Variants in ACSM5 observed in about 807,000 individuals in gnomAD.
ACSM5 encodes the protein acyl-coenzyme A synthetase ACSM5, mitochondrial.
A neutral mutation model predicts 71.6 loss-of-function variants in ACSM5; 56 were observed. The ratio of observed to expected loss-of-function variants is 0.78; its 90% confidence interval spans 0.63 to 0.98. ACSM5 has a LOEUF of 0.98. ACSM5 is among the 50% of genes least tolerant of loss of function. The pLI, the probability that ACSM5 is intolerant of heterozygous loss-of-function variation, is 0.00. For missense variants in ACSM5, 723 were observed against 726.0 expected (o/e 1.00, Z 0.05); for synonymous variants, 285 against 281.5 (o/e 1.01, Z -0.12).
At chr16:20,414,925 T>C (rs1966853775) in intron 2 of ACSM5, among the ~76,000 whole-genome samples, 1 of 152,148 alleles carries the variant, frequency 6.6e-6, no homozygotes, top group African/African-American at 2.4e-5. Flanking sequence ...GCACAGATGA[T>C]AAAAACTCAG....
intron 10 of ACSM5, among the ~76,000 whole-genome samples, chr16:20,433,373 C>T (rs34927101): frequency 0.011 from 1,736 of 152,198 alleles, 21 homozygotes; most frequent in Non-Finnish European, 0.018. Flanking sequence ...ATGAATATGC[C>T]CGTGTCAACT....
intron 6 of ACSM5, among the ~76,000 whole-genome samples, chr16:20,426,239 C>T (rs1011873232): frequency 4.6e-5 from 7 of 152,224 alleles, no homozygotes; most frequent in Admixed American, 3.9e-4. Flanking sequence ...AGTGCTTGAT[C>T]AGCCAATGTA....
chr16:20,409,634 G>C lies in ACSM5; in HGVS notation c.-47G>C, dbSNP rs998728953. The C allele has an allele frequency of 6.6e-6, 1 of 152,152 alleles. No individual in the cohort carries two copies. The highest frequency in any genetic ancestry group is 1.5e-5 in the Non-Finnish European group (1 of 68,044). The allele number at this position is 152,152 out of a possible 1,614,324, so 9.4% of individuals were successfully genotyped here. ...CTGCTCAGCTGAAGCAGAAAACAGA[G>C]ACCTTTTGCATTACTTTGGTTCAAG... is the stretch of plus-strand genomic sequence containing the variant. On this transcript the variant is annotated 5_prime_UTR_variant, in exon 1 of 14. Coordinates refer to ENST00000331849, the MANE Select transcript of ACSM5 (RefSeq NM_017888.3).
chr16:20,411,247 G>A (rs183875337), intron 1 of ACSM5, among the ~76,000 whole-genome samples: 167 of 152,316 alleles, frequency 1.1e-3, no homozygotes, highest in Middle Eastern at 6.8e-3. Flanking sequence ...CTCAGACCCA[G>A]ATACCCACAA....
rs769546454 is a variant in ACSM5, at chr16:20,437,164, T to C, written c.1421T>C (p.Val474Ala). 3.1e-6 allele frequency: 5 copies of C among 1,614,204 alleles called. No individual in the cohort carries two copies. The highest frequency in any genetic ancestry group is 4.2e-6 in the Non-Finnish European group (5 of 1,180,030). Residue 474 changes from valine to alanine, a missense_variant, in exon 11 of 14, where the codon GTG (valine) becomes GCG (alanine). Coordinates refer to ENST00000331849, the MANE Select transcript of ACSM5 (RefSeq NM_017888.3). Reference protein sequence around the residue: ...YFWFMGRNDDVINSSSYRIGP... With the variant: ...YFWFMGRNDDAINSSSYRIGP... ...TGGTTCATGGGAAGAAACGACGATG[T>C]GATCAATTCTTCAAGGTCAAGCTGT... is the stretch of plus-strand genomic sequence containing the variant.
chr16:20,440,775 T>C lies in ACSM5; in HGVS notation c.*348T>C, dbSNP rs12599141. ...CTTGGGGCACTTGTGGGTACTCATT[T>C]TCTGCCAGTGGGAATGTAAAGGCTT... On this transcript the variant is annotated 3_prime_UTR_variant, in exon 14 of 14. Coordinates refer to ENST00000331849, the MANE Select transcript of ACSM5 (RefSeq NM_017888.3). The C allele has an allele frequency of 0.39, 71,507 of 184,874 alleles. 16,311 individuals carry two copies. The highest frequency in any genetic ancestry group is 0.78 in the East Asian group (5,869 of 7,556). The allele number at this position is 184,874 out of a possible 1,614,324, so 11.5% of individuals were successfully genotyped here.
intron 10 of ACSM5, among the ~76,000 whole-genome samples, chr16:20,433,571 A>G (rs1466947045): frequency 9.2e-5 from 14 of 151,696 alleles, no homozygotes; most frequent in Admixed American, 9.2e-4. Context: ...CAAAAAAACA[A>G]AAGAAAAGGA....
At chr16:20,431,944 CA>C (rs747665777) in intron 10 of ACSM5, among the ~76,000 whole-genome samples, 49 of 126,694 alleles carry the variant, frequency 3.9e-4, no homozygotes, top group South Asian at 8.3e-4. Context: ...GACTCCGTAT[CA>C]AAAAAAAAAA....
rs1334100076 is a variant in ACSM5 at position 20,441,020 on chromosome 16, T to C, written c.*593T>C. 3 of 152,068 alleles carry C rather than the reference T, an allele frequency of 2.0e-5. No individual in the cohort carries two copies. The highest frequency in any genetic ancestry group is 6.6e-5 in the Admixed American group (1 of 15,264). The allele number at this position is 152,068 out of a possible 1,614,324, so 9.4% of individuals were successfully genotyped here. A position where few individuals can be genotyped will look rare whatever the true frequency, so the allele number is the denominator to read the frequency against. ...ACAACAAGGAAATGATTAACAAAATTGTAGTAGATTAACTCAATTACATAT... is the reference window on the plus strand; with the variant it reads ...ACAACAAGGAAATGATTAACAAAATCGTAGTAGATTAACTCAATTACATAT... On this transcript the variant is annotated 3_prime_UTR_variant, in exon 14 of 14. Coordinates refer to ENST00000331849, the MANE Select transcript of ACSM5 (RefSeq NM_017888.3).
At chr16:20,423,517 C>T (rs759465279) in intron 5 of ACSM5, among the ~76,000 whole-genome samples, 1 of 152,212 alleles carries the variant, frequency 6.6e-6, no homozygotes, top group Non-Finnish European at 1.5e-5. Flanking sequence ...TCTATTAAAA[C>T]ATGCTCTCCA....
intron 1 of ACSM5, 107 bp from the exon 2 acceptor site, chr16:20,411,363 A>G (rs113493788): frequency 0.04 from 33,372 of 833,546 alleles, 821 homozygotes; most frequent in South Asian, 0.07. Context: ...CAAGTCAGTA[A>G]GGATCACAGT....
intron 12 of ACSM5, 24 bp downstream of exon 12, chr16:20,437,391 G>T (rs373925378): frequency 2.9e-5 from 44 of 1,526,966 alleles, no homozygotes; most frequent in Non-Finnish European, 4.0e-5. Context: ...CCAAGAACAT[G>T]GCCTCCTGCT....
At chr16:20,436,762 C>T (rs1967208038) in intron 10 of ACSM5, among the ~76,000 whole-genome samples, 1 of 152,100 alleles carries the variant, frequency 6.6e-6, no homozygotes, top group South Asian at 2.1e-4. Flanking sequence ...GGCCCTGTGC[C>T]CACCCTCCTG....
At chr16:20,414,050 TG>T (rs1327890260) in intron 2 of ACSM5, among the ~76,000 whole-genome samples, 1 of 152,122 alleles carries the variant, frequency 6.6e-6, no homozygotes, top group Non-Finnish European at 1.5e-5. Context: ...TTGTGGGGAA[TG>T]GGTGGGGGTG....
Position 20,429,698 on chromosome 16 carries a change from G to A in ACSM5, c.1022G>A (p.Arg341Lys), listed in dbSNP as rs12932087. The A allele has an allele frequency of 0.084, 135,945 of 1,611,156 alleles. 7,034 individuals are homozygous for A. Among genetic ancestry groups the A allele is most frequent in the East Asian group, 0.22 (9,779 of 44,652 alleles). ...DLTRYQFQSL[R>K]HCLTGGEALN... is the part of the protein sequence containing the mutation. ...GAAAGGTACCAGTTTCAGAGCCTGA[G>A]GCACTGTCTGACCGGAGGAGAGGCC... is the stretch of plus-strand genomic sequence containing the variant. Residue 341 changes from arginine (R) to lysine (K), a missense_variant, in exon 8 of 14, where the codon AGG becomes AAG. Arg to Lys is a conservative substitution (Grantham distance 26). Transcript: ENST00000331849.
chr16:20,427,125 A>G (rs1966996297), intron 6 of ACSM5, among the ~76,000 whole-genome samples: 1 of 151,784 alleles, frequency 6.6e-6, no homozygotes, highest in Admixed American at 6.6e-5. Context: ...GGATGGTGAA[A>G]CCCCGTTTCT....
chr16:20,416,136 A>G (rs887222971), intron 2 of ACSM5, among the ~76,000 whole-genome samples: 1 of 152,178 alleles, frequency 6.6e-6, no homozygotes, highest in African/African-American at 2.4e-5. Context: ...AAGAATTAAT[A>G]TTGTTAAGAT....
chr16:20,421,256 A>G lies in ACSM5; in HGVS notation c.624-2A>G. 6.4e-7 allele frequency: 1 copy of G among 1,560,532 alleles called. No individual in the cohort carries two copies. Among genetic ancestry groups the G allele is most frequent in the Non-Finnish European group, 8.7e-7 (1 of 1,145,790 alleles). Reference sequence around the variant, plus strand: ...GCCACCTAGTGTATTTACGTTTTACAGGGAGGCTTCTACAGAGCACAACTG... The same window carrying G: ...GCCACCTAGTGTATTTACGTTTTACGGGGAGGCTTCTACAGAGCACAACTG... On this transcript the variant is annotated splice_acceptor_variant, in intron 4 of 13. Transcript: ENST00000331849. LOFTEE classifies it high-confidence loss of function.
At position 20,437,119 on chromosome 16, in the gene ACSM5, T is replaced by C. The variant is rs1325572622; in HGVS notation, c.1376T>C (p.Met459Thr). 1.9e-6 allele frequency: 3 copies of C among 1,614,086 alleles called. No individual in the cohort carries two copies. The highest frequency in any genetic ancestry group is 1.3e-5 in the African/African-American group (1 of 74,934). ...TACATCACAGGGGACCGAGCTCGCATGGACAAGGATGGCTACTTTTGGTTC... is the reference window on the plus strand; with the variant it reads ...TACATCACAGGGGACCGAGCTCGCACGGACAAGGATGGCTACTTTTGGTTC... ...DFYITGDRAR[M>T]DKDGYFWFMG... Residue 459 changes from methionine (M) to threonine (T), a missense_variant, in exon 11 of 14, where the codon ATG becomes ACG. Met to Thr is a moderately conservative substitution (Grantham distance 81). Coordinates refer to ENST00000331849, the MANE Select transcript of ACSM5 (RefSeq NM_017888.3).
Sources: allele counts gnomAD v4.1 joint callset (sites outside exome capture counted in the v4.1 genomes callset), GRCh38; gene constraint gnomAD v4.1.1; transcripts MANE v1.5; gene names NCBI Gene and HGNC (gene_info 2026-07-23, HGNC 2026-07-21).